The following BPTF variants were observed in gnomAD, a reference collection of about 807,000 sequenced individuals.
BPTF encodes the protein nucleosome-remodeling factor subunit BPTF.
BPTF carries 18 observed loss-of-function variants against 292.5 expected under a neutral mutation model. The ratio of observed to expected loss-of-function variants is 0.06; its 90% CI spans 0.04 to 0.09. The LOEUF (loss-of-function observed/expected upper bound fraction) is 0.09. Among genes scored for constraint, BPTF ranks in the 10% least tolerant of loss-of-function variants. The probability of loss-of-function intolerance (pLI) is 1.00; values close to 1 mark genes in which losing one functional copy is unlikely to be tolerated. For missense variants in BPTF, 2,726 were observed against 3,498.7 expected (o/e 0.78, Z 5.57); for synonymous variants, 1,225 against 1,251.9 (o/e 0.98, Z 0.45).
chr17:67,925,815 C>T (rs897504394), intron 15 of BPTF, among the ~76,000 whole-genome samples: 2 of 127,870 alleles, frequency 1.6e-5, no homozygotes, highest in East Asian at 2.2e-4. Flanking sequence ...ACTATAGGTC[C>T]TTATCTTCAC....
Position 67,911,655 on chromosome 17 carries a change from G to A in BPTF, c.3771G>A (p.Val1257=). The A allele has an allele frequency of 6.2e-7, 1 of 1,614,158 alleles. No homozygotes were observed. The highest frequency in any genetic ancestry group is 8.5e-7 in the Non-Finnish European group (1 of 1,180,034). ...SSSKSALHSS[V]PKSTNDRDAT... ...CCAAGAGTGCTTTACATTCATCAGTGCCTAAAAGTACCAATGACAGAGATG... is the reference window on the plus strand; with the variant it reads ...CCAAGAGTGCTTTACATTCATCAGTACCTAAAAGTACCAATGACAGAGATG... The change falls in exon 11 of 28, where the codon GTG becomes GTA. Residue 1257 remains valine, a synonymous_variant. Coordinates refer to ENST00000306378, the MANE Select transcript of BPTF (RefSeq NM_182641.4).
chr17:67,872,175 A>C (rs934224585), intron 3 of BPTF, among the ~76,000 whole-genome samples: 5 of 152,034 alleles, frequency 3.3e-5, no homozygotes, highest in African/African-American at 1.2e-4. Flanking sequence ...AGTTTTTTGA[A>C]CCTAAAACTT....
At chr17:67,863,598 C>T (rs1434409896) in intron 2 of BPTF, among the ~76,000 whole-genome samples, 2 of 152,138 alleles carry the variant, frequency 1.3e-5, no homozygotes, top group East Asian at 3.9e-4. Flanking sequence ...ACCTTCTTTT[C>T]TATGTGTCAC....
intron 11 of BPTF, among the ~76,000 whole-genome samples, chr17:67,914,631 G>T (rs548773348): frequency 6.6e-6 from 1 of 152,192 alleles, no homozygotes; most frequent in Non-Finnish European, 1.5e-5. Context: ...CCTGGCAGTT[G>T]TGGAGGCCGA....
rs535433701 is a variant in BPTF, at chr17:67,868,344, T to C, written c.1660+1657T>C. Among the ~76,000 whole-genome samples the C allele has an allele frequency of 1.6e-3, 240 of 152,308 alleles. 1 individual carries two copies. The highest frequency in any genetic ancestry group is 5.6e-3 in the African/African-American group (234 of 41,568). ...CTGTGCATGTTTAATAAATACCACCTGTGTTTTCTAATGTAGCCATCCCTC... is the reference window on the plus strand; with the variant it reads ...CTGTGCATGTTTAATAAATACCACCCGTGTTTTCTAATGTAGCCATCCCTC... On this transcript the variant is annotated intron_variant, in intron 3 of 27. Coordinates refer to ENST00000306378, the MANE Select transcript of BPTF (RefSeq NM_182641.4).
chr17:67,835,529 G>C (rs779724381), intron 1 of BPTF, among the ~76,000 whole-genome samples: 20 of 152,146 alleles, frequency 1.3e-4, no homozygotes, highest in Non-Finnish European at 2.2e-4. Context: ...CATTATTTGT[G>C]TATGTGATGG....
In BPTF at chr17:67,866,494, G is replaced by C; in HGVS notation, c.1467G>C (p.Lys489Asn). Residue 489 changes from lysine (K) to asparagine (N), a missense_variant, in exon 3 of 28, where the codon AAG (lysine) becomes AAC (asparagine). Around this residue, in one of 22 missense-constraint regions of BPTF, gnomAD observed 187 missense variants for 201.5 expected, o/e 0.93. Coordinates refer to ENST00000306378, the MANE Select transcript of BPTF (RefSeq NM_182641.4). ...AAGATACAGAAAATGAAAATGAAAAGAAAATTTGGTATTACAGCACAAAGG... is the reference window on the plus strand; with the variant it reads ...AAGATACAGAAAATGAAAATGAAAACAAAATTTGGTATTACAGCACAAAGG... ...IEEDTENENE[K>N]KIWYYSTKVQ... is the part of the protein sequence containing the mutation. 6.2e-7 allele frequency: 1 copy of C among 1,613,112 alleles called. No individual in the cohort carries two copies. Among genetic ancestry groups the C allele is most frequent in the Non-Finnish European group, 8.5e-7 (1 of 1,179,144 alleles).
At chr17:67,916,777 A>G (rs1598632948) in intron 11 of BPTF, among the ~76,000 whole-genome samples, 4 of 151,572 alleles carry the variant, frequency 2.6e-5, no homozygotes, top group African/African-American at 9.7e-5. Context: ...AAAAAAAAAA[A>G]AAAAAAAAGA....
At chr17:67,855,431 T>C (rs1305793130) in intron 2 of BPTF, among the ~76,000 whole-genome samples, 2 of 152,202 alleles carry the variant, frequency 1.3e-5, no homozygotes, top group African/African-American at 4.8e-5. Flanking sequence ...TTACTTCTTT[T>C]TTGGTTTTAC....
chr17:67,937,238 C>T (rs948255340), intron 18 of BPTF, among the ~76,000 whole-genome samples: 6 of 151,858 alleles, frequency 4.0e-5, no homozygotes, highest in African/African-American at 1.2e-4. Flanking sequence ...GGTGGATCGC[C>T]TGAGGTCAGG....
rs187856077 is a variant in BPTF, at chr17:67,851,194, A to G, written c.614-2746A>G. Among the ~76,000 whole-genome samples, 43 of 151,694 alleles carry G rather than the reference A, an allele frequency of 2.8e-4. No individual in the cohort carries two copies. In the East Asian group the frequency reaches 8.0e-3, roughly 28 times the overall value. On this transcript the variant is annotated intron_variant, in intron 1 of 27. Coordinates refer to ENST00000306378, the MANE Select transcript of BPTF (RefSeq NM_182641.4). ...CTCTTTTTGTAACGAGTTGTTTGGCATGAGGTCCAGTCACAAGGGGCCTTC... is the reference window on the plus strand; with the variant it reads ...CTCTTTTTGTAACGAGTTGTTTGGCGTGAGGTCCAGTCACAAGGGGCCTTC...
chr17:67,896,239 G>C (rs2061445136), intron 7 of BPTF, among the ~76,000 whole-genome samples: 1 of 152,198 alleles, frequency 6.6e-6, no homozygotes, highest in South Asian at 2.1e-4. Flanking sequence ...TGGGATTACA[G>C]GCATGAGTGA....
In BPTF at chr17:67,940,426, G is replaced by C. The variant is rs369120952; in HGVS notation, c.6260-13G>C. 29 of 1,612,260 alleles carry C rather than the reference G, an allele frequency of 1.8e-5. No homozygotes were observed. Among genetic ancestry groups the C allele is most frequent in the Non-Finnish European group, 2.5e-5 (29 of 1,178,836 alleles). ...GGTGTATAAGCATTCATAATGTTTTGCTGTTTGGGTAGGTGCTCCTCAGCA... is the reference window on the plus strand; with the variant it reads ...GGTGTATAAGCATTCATAATGTTTTCCTGTTTGGGTAGGTGCTCCTCAGCA... On this transcript the variant is annotated splice_polypyrimidine_tract_variant and intron_variant, in intron 18 of 27. Transcript: ENST00000306378.
intron 2 of BPTF, among the ~76,000 whole-genome samples, chr17:67,856,437 T>C (rs2058697254): frequency 1.3e-5 from 2 of 152,224 alleles, no homozygotes; most frequent in African/African-American, 2.4e-5. Flanking sequence ...AAGTTGCTTT[T>C]TCCTATTCTT....
At chr17:67,928,633 T>C in intron 16 of BPTF, 32 bp downstream of exon 16, 1 of 1,553,262 alleles carries the variant, frequency 6.4e-7, no homozygotes, top group South Asian at 1.2e-5. Context: ...AAAGATTACT[T>C]TGGTTCAGGA....
chr17:67,834,725 T>TAATATCTGGCCCTGTAATTAAAGAA (rs2056992631), intron 1 of BPTF, among the ~76,000 whole-genome samples: 1 of 152,176 alleles, frequency 6.6e-6, no homozygotes, highest in African/African-American at 2.4e-5. Context: ...TGGCCCTTCT[T>TAATATCTGGCCCTGTAATTAAAGAA]TAATTACAAC....
chr17:67,860,543 A>G (rs1394892752), intron 2 of BPTF, among the ~76,000 whole-genome samples: 2 of 152,254 alleles, frequency 1.3e-5, no homozygotes, highest in Non-Finnish European at 1.5e-5. Flanking sequence ...CATATTCAGC[A>G]TATAACTCAG....
chr17:67,891,507 C>T (rs1277407522), intron 4 of BPTF: 2 of 173,244 alleles, frequency 1.2e-5, no homozygotes, highest in African/African-American at 4.7e-5. Context: ...TAAGGCAACA[C>T]TTTGTTAGTT....
At chr17:67,860,911 C>T in intron 2 of BPTF, among the ~76,000 whole-genome samples, 1 of 152,196 alleles carries the variant, frequency 6.6e-6, no homozygotes, top group Middle Eastern at 3.2e-3. Context: ...CTAAACTATG[C>T]TTTTAAATCT....
Sources: gnomAD v4.1 joint callset for allele counts (sites outside exome capture counted in the v4.1 genomes callset) on GRCh38, gnomAD v4.1.1 for gene constraint, gnomAD v4.1.1 regional missense constraint, MANE v1.5 for transcripts, NCBI Gene and HGNC (gene_info 2026-07-23, HGNC 2026-07-21) for gene names.